The following MGAT5 variants were observed in gnomAD, a reference collection of about 807,000 sequenced individuals.
MGAT5 encodes the protein alpha-1,6-mannosylglycoprotein 6-beta-N-acetylglucosaminyltransferase A.
Under a neutral mutation model 94.3 loss-of-function variants are expected in MGAT5, and 30 were observed. The ratio of observed to expected loss-of-function variants is 0.32; its 90% CI spans 0.24 to 0.43. The LOEUF (loss-of-function observed/expected upper bound fraction) is 0.43, where lower values mean the gene tolerates loss of function less well. Among genes scored for constraint, MGAT5 ranks in the 20% least tolerant of loss-of-function variants. The probability of loss-of-function intolerance (pLI) is 1.00; values close to 1 mark genes in which losing one functional copy is unlikely to be tolerated. For synonymous variants in MGAT5, 310 were observed against 322.9 expected, an observed-to-expected ratio of 0.96 and a Z score of 0.43; for missense variants, 691 against 905.5, an observed-to-expected ratio of 0.76 and a Z score of 3.04.
intron 10 of MGAT5, among the ~76,000 whole-genome samples, chr2:134,383,628 T>C (rs1342909628): frequency 1.3e-5 from 2 of 152,200 alleles, no homozygotes; most frequent in African/African-American, 4.8e-5. Context: ...CAGGGATTAA[T>C]CTCAAAGCTC....
chr2:134,144,336 G>A (rs1263296036), intron 1 of MGAT5, among the ~76,000 whole-genome samples: 2 of 152,158 alleles, frequency 1.3e-5, no homozygotes, highest in Admixed American at 6.5e-5. Context: ...ACTTCCCATG[G>A]CCAGAGCAGG....
intron 2 of MGAT5, among the ~76,000 whole-genome samples, chr2:134,297,901 A>G (rs1685774764): frequency 6.6e-6 from 1 of 152,132 alleles, no homozygotes; most frequent in South Asian, 2.1e-4. Context: ...GTATGTTTCA[A>G]ATTTTTTTCT....
intron 11 of MGAT5, among the ~76,000 whole-genome samples, chr2:134,410,208 G>T (rs1683565431): frequency 6.6e-6 from 1 of 152,194 alleles, no homozygotes; most frequent in African/African-American, 2.4e-5. Flanking sequence ...GACCATAAGT[G>T]CAAGGAAGTT....
intron 1 of MGAT5, among the ~76,000 whole-genome samples, chr2:134,157,293 G>T (rs140024412): frequency 2.0e-5 from 3 of 152,326 alleles, no homozygotes; most frequent in African/African-American, 4.8e-5. Context: ...GCTGGCCAAA[G>T]AGCATACGGG....
In MGAT5 at chr2:134,450,382, G is replaced by A. The variant is rs969210858; in HGVS notation, c.*1535G>A. ...AGTGGAGCCTCCGCTGGGCAGAACT[G>A]ATGGGCAAGGCGTAATGGCTGGTAG... On this transcript the variant is annotated 3_prime_UTR_variant, in exon 16 of 16. Transcript: ENST00000281923. 3 of 152,280 alleles carry A rather than the reference G, an allele frequency of 2.0e-5. No homozygotes were observed. Among genetic ancestry groups the A allele is most frequent in the African/African-American group, 7.2e-5 (3 of 41,458 alleles). 9.4% of individuals were successfully genotyped at this position (152,280 alleles called of 1,614,324 possible). A position where few individuals can be genotyped will look rare whatever the true frequency, so the allele number is the denominator to read the frequency against.
intron 15 of MGAT5, 149 bp downstream of exon 15, chr2:134,442,064 C>T: frequency 1.2e-6 from 1 of 853,796 alleles, no homozygotes; most frequent in South Asian, 1.7e-5. Context: ...AGCAGGATCC[C>T]CCTAGAGAGT....
At chr2:134,173,349 G>C (rs568011272) in intron 1 of MGAT5, among the ~76,000 whole-genome samples, 1 of 152,320 alleles carries the variant, frequency 6.6e-6, no homozygotes, top group Admixed American at 6.5e-5. Flanking sequence ...GTTGCCAGGT[G>C]GGGCAGCTGG....
intron 2 of MGAT5, among the ~76,000 whole-genome samples, chr2:134,271,482 A>T (rs981725412): frequency 9.9e-5 from 15 of 151,746 alleles, no homozygotes; most frequent in Admixed American, 9.8e-4. Context: ...TTCCTGCTTT[A>T]AAAAAAAATC....
At chr2:134,392,736 C>T (rs1682487635) in intron 10 of MGAT5, among the ~76,000 whole-genome samples, 1 of 152,246 alleles carries the variant, frequency 6.6e-6, no homozygotes, top group Non-Finnish European at 1.5e-5. Context: ...TGGCATGGGG[C>T]TGAGTGCCTC....
chr2:134,271,263 C>A (rs1249384653), intron 2 of MGAT5, among the ~76,000 whole-genome samples: 1 of 151,544 alleles, frequency 6.6e-6, no homozygotes, highest in Admixed American at 6.6e-5. Flanking sequence ...GCTCTGAGGT[C>A]AGCCCCTGGG....
At position 134,140,491 on chromosome 2, in the gene MGAT5, C is replaced by T. The variant is rs531561986; in HGVS notation, c.-143+20200C>T. Among the ~76,000 whole-genome samples the T allele has an allele frequency of 4.6e-5, 7 of 152,302 alleles. No homozygotes were observed. In the East Asian group the frequency reaches 1.2e-3, roughly 25 times the overall value. On this transcript the variant is annotated intron_variant, in intron 1 of 16. Coordinates refer to the MGAT5 transcript ENST00000409645. ...GCGAGTTGGGTCAGATGTTATCCAG[C>T]GTGACTGCCAGCTCTAAAAGTCTTT...
intron 10 of MGAT5, among the ~76,000 whole-genome samples, chr2:134,399,189 A>G (rs989082936): frequency 1.3e-5 from 2 of 152,206 alleles, no homozygotes; most frequent in Admixed American, 1.3e-4. Context: ...AACATGTACA[A>G]TTATTATCAA....
At chr2:134,249,804 C>T (rs1682484286), upstream of MGAT5, among the ~76,000 whole-genome samples, 1 of 152,248 alleles carries the variant, frequency 6.6e-6, no homozygotes, top group Non-Finnish European at 1.5e-5. Context: ...TTGGATCATA[C>T]AGTAACTCCA....
In MGAT5 at chr2:134,416,229, T is replaced by C. The variant is rs560660274; in HGVS notation, c.1677+3214T>C. Among the ~76,000 whole-genome samples the C allele has an allele frequency of 2.9e-4, 44 of 152,294 alleles. No homozygotes were observed. In the South Asian group the frequency reaches 8.1e-3, roughly 28 times the overall value. ...TTGTGCAACCATCACTGCTATCCAT[T>C]TCCAGAACTTGTTCATCATTCTAAA... is the stretch of plus-strand genomic sequence containing the variant. On this transcript the variant is annotated intron_variant, in intron 12 of 15. Coordinates refer to ENST00000281923, the MANE Select transcript of MGAT5 (RefSeq NM_002410.5).
intron 1 of MGAT5, among the ~76,000 whole-genome samples, chr2:134,158,499 G>A (rs1687582197): frequency 6.6e-6 from 1 of 152,182 alleles, no homozygotes; most frequent in Non-Finnish European, 1.5e-5. Context: ...CTGGTGCCGG[G>A]AGCCGAGAGT....
chr2:134,174,936 C>T (rs1252059872), intron 1 of MGAT5, among the ~76,000 whole-genome samples: 1 of 152,238 alleles, frequency 6.6e-6, no homozygotes, highest in Non-Finnish European at 1.5e-5. Context: ...TCCTCATTCT[C>T]AGAGCCTGGG....
At chr2:134,122,219 C>T (rs1212911800) in intron 1 of MGAT5, among the ~76,000 whole-genome samples, 1 of 152,064 alleles carries the variant, frequency 6.6e-6, no homozygotes, top group Non-Finnish European at 1.5e-5. Context: ...ATTCTCCTGC[C>T]TCAACCTCTC....
At position 134,448,862 on chromosome 2, in the gene MGAT5, G is replaced by A. The variant is rs1558896652; in HGVS notation, c.*15G>A. The A allele has an allele frequency of 1.9e-6, 3 of 1,609,570 alleles. No homozygotes were observed. Among genetic ancestry groups the A allele is most frequent in the South Asian group, 2.2e-5 (2 of 90,716 alleles). Reference sequence around the variant, plus strand: ...ACTGCCTATAGCAGCTACCTGCTCAGCCCTGCACCATGCTGCTGGGGAAGA... The same window carrying A: ...ACTGCCTATAGCAGCTACCTGCTCAACCCTGCACCATGCTGCTGGGGAAGA... On this transcript the variant is annotated 3_prime_UTR_variant, in exon 16 of 16. Coordinates refer to ENST00000281923, the MANE Select transcript of MGAT5 (RefSeq NM_002410.5).
rs558275073 is a variant in MGAT5 at position 134,416,721 on chromosome 2, G to A, written c.1677+3706G>A. On this transcript the variant is annotated intron_variant, in intron 12 of 15. Coordinates refer to ENST00000281923, the MANE Select transcript of MGAT5 (RefSeq NM_002410.5). ...TCCTGGACTAAAGCGACCCTTCCAA[G>A]TAGCTTAGGATTACAGACACACCCC... Among the ~76,000 whole-genome samples the A allele has an allele frequency of 1.1e-4, 16 of 150,490 alleles. No homozygotes were observed. In the East Asian group the frequency reaches 2.8e-3, roughly 26 times the overall value.
Sources: allele counts gnomAD v4.1 joint callset (sites outside exome capture counted in the v4.1 genomes callset), GRCh38; gene constraint gnomAD v4.1.1; transcripts MANE v1.5; gene names NCBI Gene and HGNC (gene_info 2026-07-23, HGNC 2026-07-21).